EFNB2: variants seen among roughly 807,000 people sequenced by gnomAD.
EFNB2 encodes ephrin B2, also known as ephrin-B2.
EFNB2 carries 5 observed loss-of-function variants against 32.1 expected under a neutral mutation model. The ratio of observed to expected loss-of-function variants is 0.16; its 90% confidence interval spans 0.08 to 0.33. The LOEUF is 0.33. Among genes scored for constraint, EFNB2 ranks in the 10% least tolerant of loss-of-function variants. The pLI is 1.00. For missense variants in EFNB2, 263 were observed against 422.6 expected (o/e 0.62, Z 3.31); for synonymous variants, 168 against 166.5 (o/e 1.01, Z -0.07).
chr13:106,498,094 G>A (rs1320759151), intron 2 of EFNB2, among the ~76,000 whole-genome samples: 2 of 152,086 alleles, frequency 1.3e-5, no homozygotes, highest in Non-Finnish European at 2.9e-5. Context: ...CTTACTTTGA[G>A]TTACTTACTC....
chr13:106,530,602 A>T (rs1879837143), intron 1 of EFNB2, among the ~76,000 whole-genome samples: 1 of 152,224 alleles, frequency 6.6e-6, no homozygotes, highest in South Asian at 2.1e-4. Flanking sequence ...AAAACGTTAA[A>T]GAAATATCTT....
chr13:106,500,149 A>C (rs915851264), intron 2 of EFNB2, among the ~76,000 whole-genome samples: 1 of 152,214 alleles, frequency 6.6e-6, no homozygotes, highest in Non-Finnish European at 1.5e-5. Flanking sequence ...TTTTTAGCCC[A>C]TCCCCAGGAA....
Position 106,493,555 on chromosome 13 carries a change from G to T in EFNB2, c.614-127C>A. On this transcript the variant is annotated intron_variant, in intron 4 of 4. Transcript: ENST00000646441. The surrounding 1 kb of genome is among the most constrained non-coding windows in gnomAD (Gnocchi z 6.1). ...TATTACTAACTAGAAGCTGGACTTT[G>T]CCTCGCCAATACCTCGTCTAAGAGC... is the stretch of plus-strand genomic sequence containing the variant. The T allele has an allele frequency of 7.7e-7, 1 of 1,302,798 alleles. No individual in the cohort carries two copies. The allele number at this position is 1,302,798 out of a possible 1,614,324, so 80.7% of individuals were successfully genotyped here. A position where few individuals can be genotyped will look rare whatever the true frequency, so the allele number is the denominator to read the frequency against.
At chr13:106,506,065 C>T (rs1028100666) in intron 2 of EFNB2, 3 of 152,142 alleles carry the variant, frequency 2.0e-5, no homozygotes, top group African/African-American at 7.2e-5. Flanking sequence ...AAGAATTTAT[C>T]TTTATTCATA....
chr13:106,534,949 C>T lies in EFNB2; in HGVS notation c.16G>A (p.Asp6Asn), dbSNP rs1292931544. Residue 6 changes from aspartate (D) to asparagine (N), a missense_variant, in exon 1 of 5, where the codon GAC becomes AAC. By Grantham distance (23) the Asp-to-Asn change is conservative (BLOSUM62 1). Around this residue, in one of 3 missense-constraint regions of EFNB2, gnomAD observed 46 missense variants for 56.9 expected, o/e 0.81. Transcript: ENST00000646441. MAVRRDSVWKYCWGVL... is the reference protein window; with the variant it reads MAVRRNSVWKYCWGVL... ...CCCCAGCAGTACTTCCACACGGAGT[C>T]CCTTCTCACAGCCATGGCGAAGCCA... 6.8e-6 allele frequency: 11 copies of T among 1,613,216 alleles called. No individual in the cohort carries two copies. The highest frequency in any genetic ancestry group is 3.3e-5 in the Admixed American group (2 of 59,902).
At chr13:106,503,019 A>AC (rs1878833882) in intron 2 of EFNB2, among the ~76,000 whole-genome samples, 1 of 152,032 alleles carries the variant, frequency 6.6e-6, no homozygotes, top group African/African-American at 2.4e-5. Context: ...ACCTCCCCCA[A>AC]CCCCCGACTT....
chr13:106,531,233 T>C (rs1182832452), intron 1 of EFNB2, among the ~76,000 whole-genome samples: 1 of 152,196 alleles, frequency 6.6e-6, no homozygotes. Context: ...AGACACATGA[T>C]TCTCAAATAA....
Position 106,493,111 on chromosome 13 carries a change from A to C in EFNB2, c.931T>G (p.Tyr311Asp). The change falls in exon 5 of 5, where the codon TAC becomes GAC. Residue 311 changes from tyrosine to aspartate, a missense_variant. By Grantham distance (160) the Tyr-to-Asp change is radical. Around this residue, in one of 3 missense-constraint regions of EFNB2, gnomAD observed 172 missense variants for 237.1 expected, o/e 0.73. Transcript: ENST00000646441. This position sits in a 1 kb window ranked among gnomAD's most constrained non-coding sequence, Gnocchi z 6.1. ...TGGACGATGTACACCGGGTGCCCGT[A>C]GTCCCCGCTGACCTTCTCGTAGTGA... ...CPHYEKVSGD[Y>D]GHPVYIVQEM... The C allele has an allele frequency of 1.2e-6, 2 of 1,614,060 alleles. No individual in the cohort carries two copies. Among genetic ancestry groups the C allele is most frequent in the Non-Finnish European group, 1.7e-6 (2 of 1,180,038 alleles).
At chr13:106,511,599 C>CA (rs2138920046) in intron 2 of EFNB2, among the ~76,000 whole-genome samples, 1 of 152,258 alleles carries the variant, frequency 6.6e-6, no homozygotes, top group South Asian at 2.1e-4. Context: ...AATAATAAAC[C>CA]AGTGGCAGAT....
In EFNB2 at chr13:106,535,048, A is replaced by C; in HGVS notation, c.-84T>G. 6.5e-7 allele frequency: 1 copy of C among 1,548,336 alleles called. No homozygotes were observed. Among genetic ancestry groups the C allele is most frequent in the East Asian group, 2.4e-5 (1 of 41,992 alleles). ...GCTGGGACCCCCAATCCTCCGGGGC[A>C]GACTGGCGGGGAAGACGGCGTGCGC... On this transcript the variant is annotated 5_prime_UTR_variant, in exon 1 of 5. Coordinates refer to ENST00000646441, the MANE Select transcript of EFNB2 (RefSeq NM_004093.4).
intron 1 of EFNB2, among the ~76,000 whole-genome samples, chr13:106,515,674 T>A (rs1879289038): frequency 2.0e-5 from 3 of 152,238 alleles, no homozygotes; most frequent in Non-Finnish European, 2.9e-5. Context: ...AGCGTATATA[T>A]AAACAGCCAT....
In EFNB2 at chr13:106,518,823, T is replaced by G. The variant is rs1173188180; in HGVS notation, c.123-6011A>C. ...TCCTCTGACCATACTACACGCACCTTAGCACAAACATCTGATGCCTTCTTA... is the reference window on the plus strand; with the variant it reads ...TCCTCTGACCATACTACACGCACCTGAGCACAAACATCTGATGCCTTCTTA... On this transcript the variant is annotated intron_variant, in intron 1 of 4. Transcript: ENST00000646441. The surrounding 1 kb of genome is among the most constrained non-coding windows in gnomAD (Gnocchi z 4.1). The G allele has an allele frequency of 6.6e-6, 1 of 152,178 alleles. No individual in the cohort carries two copies. The highest frequency in any genetic ancestry group is 2.4e-5 in the African/African-American group (1 of 41,438). The allele number at this position is 152,178 out of a possible 1,614,324, so 9.4% of individuals were successfully genotyped here.
At chr13:106,508,820 T>C (rs1181410343) in intron 2 of EFNB2, among the ~76,000 whole-genome samples, 1 of 152,234 alleles carries the variant, frequency 6.6e-6, no homozygotes, top group Non-Finnish European at 1.5e-5. Flanking sequence ...GCATATCAGT[T>C]TGCCACATAT....
chr13:106,519,404 G>A (rs1488794604), intron 1 of EFNB2: 2 of 152,130 alleles, frequency 1.3e-5, no homozygotes, highest in Non-Finnish European at 2.9e-5. Flanking sequence ...GGATGCTGGT[G>A]CAAGTGTGAG....
At chr13:106,501,731 T>TA (rs1216266784) in intron 2 of EFNB2, among the ~76,000 whole-genome samples, 1 of 152,046 alleles carries the variant, frequency 6.6e-6, no homozygotes, top group African/African-American at 2.4e-5. Context: ...TAGCTGGGAC[T>TA]ACAGGAGCCC....
chr13:106,496,971 A>G (rs556243495), intron 2 of EFNB2, among the ~76,000 whole-genome samples: 2 of 152,346 alleles, frequency 1.3e-5, no homozygotes, highest in East Asian at 3.9e-4. Flanking sequence ...CTACCTGATT[A>G]TCAAAGTCTT....
At chr13:106,500,137 GC>G (rs1388138459) in intron 2 of EFNB2, among the ~76,000 whole-genome samples, 1 of 152,188 alleles carries the variant, frequency 6.6e-6, no homozygotes, top group Non-Finnish European at 1.5e-5. Context: ...TTCTGGCTGT[GC>G]TTTTTAGCCC....
chr13:106,517,086 G>A (rs1162497763), intron 1 of EFNB2: 1 of 152,148 alleles, frequency 6.6e-6, no homozygotes, highest in African/African-American at 2.4e-5. Context: ...AAACTACACA[G>A]CACATCTATC....
In EFNB2 at chr13:106,507,813, C is replaced by G. The variant is rs75797028; in HGVS notation, c.406+4716G>C. 6.2e-3 allele frequency among the ~76,000 whole-genome samples: 938 copies of G among 152,232 alleles called. 3 individuals carry two copies. Among genetic ancestry groups the G allele is most frequent in the Non-Finnish European group, 9.4e-3 (640 of 68,000 alleles). Reference sequence around the variant, plus strand: ...TCTCACAGAACAACCTTTAATCAAACAGTCCTTCGGAAAGATGACTTACGG... The same window carrying G: ...TCTCACAGAACAACCTTTAATCAAAGAGTCCTTCGGAAAGATGACTTACGG... On this transcript the variant is annotated intron_variant, in intron 2 of 4. Transcript: ENST00000646441.
Sources: gnomAD v4.1 joint callset for allele counts (sites outside exome capture counted in the v4.1 genomes callset) on GRCh38, gnomAD v4.1.1 for gene constraint, gnomAD v4.1.1 regional missense constraint, Gnocchi (gnomAD v3.1) non-coding constraint, MANE v1.5 for transcripts, NCBI Gene and HGNC (gene_info 2026-07-23, HGNC 2026-07-21) for gene names.